Variants in MTCL1 observed in about 807,000 individuals in gnomAD.
MTCL1 encodes microtubule crosslinking factor 1.
MTCL1 carries 79 observed loss-of-function variants against 141.4 expected under a neutral mutation model. The ratio of observed to expected loss-of-function variants is 0.56; its 90% confidence interval spans 0.47 to 0.67. The LOEUF (loss-of-function observed/expected upper bound fraction) is 0.67. MTCL1 is among the 30% of genes least tolerant of loss of function. The pLI, the probability that MTCL1 is intolerant of heterozygous loss-of-function variation, is 0.00. For synonymous variants in MTCL1, 914 were observed against 875.8 expected (o/e 1.04, Z -0.77); for missense variants, 2,177 against 2,113.9 (o/e 1.03, Z -0.59).
At chr18:8,784,481 C>A in exon 6 of MTCL1, 1 of 1,569,928 alleles carries the variant, frequency 6.4e-7, no homozygotes, top group Non-Finnish European at 8.6e-7. Flanking sequence ...CCTAGTGACC[C>A]TAAAACACGA....
chr18:8,785,093 G>A (rs375052419), intron 6 of MTCL1, among the ~76,000 whole-genome samples: 4 of 149,498 alleles, frequency 2.7e-5, no homozygotes, highest in East Asian at 2.0e-4. Flanking sequence ...TTTTAACTGC[G>A]CCGCGGCTCA....
chr18:8,735,135 C>T (rs950251707), intron 4 of MTCL1, among the ~76,000 whole-genome samples: 5 of 152,144 alleles, frequency 3.3e-5, no homozygotes, highest in Non-Finnish European at 5.9e-5. Flanking sequence ...TTTATATTTC[C>T]AGGACTACAG....
intron 10 of MTCL1, among the ~76,000 whole-genome samples, chr18:8,806,613 G>A (rs930601666): frequency 3.3e-5 from 5 of 152,072 alleles, no homozygotes; most frequent in Admixed American, 6.5e-5. Flanking sequence ...CCCAGGTTCC[G>A]GCGTCTGAAC....
In MTCL1 at chr18:8,801,297, C is replaced by T. The variant is rs2076113262; in HGVS notation, c.2436+3006C>T. 2.0e-5 allele frequency among the ~76,000 whole-genome samples: 3 copies of T among 147,874 alleles called. No individual in the cohort carries two copies. The Admixed American group carries it at 2.1e-4, about 10-fold the overall frequency. ...TGCCAGAGGAGGCCTCACATCAGAA[C>T]TGTGATCTGCCTGACTTTTTTTTTT... On this transcript the variant is annotated intron_variant, in intron 10 of 16. Coordinates refer to ENST00000359865, the Ensembl canonical transcript of MTCL1.
chr18:8,741,616 C>T (rs1206909596), intron 4 of MTCL1, among the ~76,000 whole-genome samples: 2 of 152,136 alleles, frequency 1.3e-5, no homozygotes, highest in African/African-American at 4.8e-5. Flanking sequence ...CATGCACACC[C>T]AAACCAGGAA....
chr18:8,718,397 T>C (rs748279090), intron 2 of MTCL1, 27 bp from the exon 2 acceptor site: 4 of 1,608,538 alleles, frequency 2.5e-6, no homozygotes, highest in Non-Finnish European at 3.4e-6. Context: ...ACTTGGCTCA[T>C]AAATCTTCTC....
Position 8,828,639 on chromosome 18 carries a change from G to A in MTCL1, c.4723-269G>A, listed in dbSNP as rs545978582. ...GCATAGAAACTAGAGGGAGGTCTGT[G>A]ACTCCTCCATGGAGTTTCCTTCTTC... is the stretch of plus-strand genomic sequence containing the variant. On this transcript the variant is annotated intron_variant, in intron 15 of 16. Coordinates refer to ENST00000359865, the Ensembl canonical transcript of MTCL1. The surrounding 1 kb of genome is among the most constrained non-coding windows in gnomAD (Gnocchi z 5.2). Among the ~76,000 whole-genome samples, 11 of 152,304 alleles carry A rather than the reference G, an allele frequency of 7.2e-5. No individual in the cohort carries two copies. In the South Asian group the frequency reaches 2.3e-3, roughly 32 times the overall value.
chr18:8,754,552 G>T (rs772675299), intron 4 of MTCL1, among the ~76,000 whole-genome samples: 49 of 152,172 alleles, frequency 3.2e-4, no homozygotes, highest in African/African-American at 1.2e-3. Context: ...TCCATCAAGT[G>T]CCTGGTAATG....
chr18:8,771,121 C>A (rs2096483571), intron 4 of MTCL1, among the ~76,000 whole-genome samples: 1 of 152,010 alleles, frequency 6.6e-6, no homozygotes, highest in East Asian at 1.9e-4. Context: ...ACTTAAATGA[C>A]AACTTTAATA....
rs1369236255 is a variant in MTCL1, at chr18:8,830,538, C to A, written c.*19-1069C>A. On this transcript the variant is annotated intron_variant, in intron 16 of 16. Coordinates refer to ENST00000359865, the Ensembl canonical transcript of MTCL1. This position sits in a 1 kb window ranked among gnomAD's most constrained non-coding sequence, Gnocchi z 6.4. ...GTCTGTCCTTCCCCCGCTGCTGCTC[C>A]CCTGCACCACTGGCTGGGCTGTCCT... 5 of 986,278 alleles carry A rather than the reference C, an allele frequency of 5.1e-6. No individual in the cohort carries two copies. Among genetic ancestry groups the A allele is most frequent in the Non-Finnish European group, 6.0e-6 (5 of 830,648 alleles). 61.1% of individuals were successfully genotyped at this position (986,278 alleles called of 1,614,324 possible). A position where few individuals can be genotyped will look rare whatever the true frequency, so the allele number is the denominator to read the frequency against.
chr18:8,825,565 G>A, exon 15 of MTCL1: 2 of 1,613,220 alleles, frequency 1.2e-6, no homozygotes, highest in Non-Finnish European at 1.7e-6. Flanking sequence ...CCAAAGGCTG[G>A]GGGCGGTGCT....
chr18:8,733,633 T>C (rs2096262296), intron 4 of MTCL1, among the ~76,000 whole-genome samples: 1 of 152,176 alleles, frequency 6.6e-6, no homozygotes, highest in African/African-American at 2.4e-5. Context: ...CTTGAACTCC[T>C]GACTTCAAGT....
At chr18:8,799,942 G>T (rs1260512204) in intron 10 of MTCL1, among the ~76,000 whole-genome samples, 1 of 152,198 alleles carries the variant, frequency 6.6e-6, no homozygotes, top group African/African-American at 2.4e-5. Flanking sequence ...AGTGGAGATG[G>T]ACCCGTGAGC....
rs185137491 is a variant in MTCL1, at chr18:8,790,303, A to G, written c.1888-2695A>G. Reference sequence around the variant, plus strand: ...CCAAACTAAATAGTTCATGCAATGTATAGAAACTAAACTAATAGATCTTTG... The same window carrying G: ...CCAAACTAAATAGTTCATGCAATGTGTAGAAACTAAACTAATAGATCTTTG... On this transcript the variant is annotated intron_variant, in intron 7 of 16. Coordinates refer to ENST00000359865, the Ensembl canonical transcript of MTCL1. Among the ~76,000 whole-genome samples the G allele has an allele frequency of 2.0e-3, 307 of 152,394 alleles. 1 individual carries two copies. The highest frequency in any genetic ancestry group is 0.019 in the Admixed American group (297 of 15,310).
exon 6 of MTCL1, chr18:8,784,474 A>G: frequency 6.4e-7 from 1 of 1,559,672 alleles, no homozygotes; most frequent in East Asian, 2.3e-5. Context: ...CTGAGTACCT[A>G]GTGACCCTAA....
At chr18:8,749,983 A>G (rs2096362318) in intron 4 of MTCL1, among the ~76,000 whole-genome samples, 1 of 152,162 alleles carries the variant, frequency 6.6e-6, no homozygotes, top group African/African-American at 2.4e-5. Flanking sequence ...ACCCATAGGG[A>G]ATATTAAAGT....
Position 8,784,119 on chromosome 18 carries a change from A to T in MTCL1, c.1007A>T (p.Glu336Val), listed in dbSNP as rs868286868. 8 of 1,613,436 alleles carry T rather than the reference A, an allele frequency of 5.0e-6. No homozygotes were observed. In the African/African-American group the frequency reaches 1.1e-4, roughly 22 times the overall value. ...GCCGGGGGTGGGGCCCCCCTGCAGGAGGAGCTGAAGTCAGCCAGGCTGCAG... is the reference window on the plus strand; with the variant it reads ...GCCGGGGGTGGGGCCCCCCTGCAGGTGGAGCTGAAGTCAGCCAGGCTGCAG... Residue 336 changes from glutamate to valine, a missense_variant, in exon 6 of 17, where the codon GAG (glutamate) becomes GTG (valine). By Grantham distance (121) the Glu-to-Val change is moderately radical. Transcript: ENST00000359865.
At chr18:8,777,913 T>C (rs780945005) in intron 5 of MTCL1, 21 bp downstream of exon 4, 2 of 1,606,400 alleles carry the variant, frequency 1.2e-6, no homozygotes, top group Non-Finnish European at 1.7e-6. Flanking sequence ...GTTTTCATTC[T>C]AATGTTACAT....
At chr18:8,825,196 G>C (rs770739540) in exon 15 of MTCL1, 3 of 1,583,400 alleles carry the variant, frequency 1.9e-6, no homozygotes, top group Admixed American at 1.8e-5. Context: ...ACCAAGGGAG[G>C]CCCTCCAGAA....
Sources: allele counts gnomAD v4.1 joint callset (sites outside exome capture counted in the v4.1 genomes callset), GRCh38; gene constraint gnomAD v4.1.1; non-coding constraint Gnocchi (gnomAD v3.1); transcripts MANE v1.5; gene names NCBI Gene and HGNC (gene_info 2026-07-23, HGNC 2026-07-21).